The following SCLT1 variants were observed in gnomAD, a reference collection of about 807,000 sequenced individuals.
The protein encoded by SCLT1 is sodium channel and clathrin linker 1.
A neutral mutation model predicts 112.8 loss-of-function variants in SCLT1; 78 were observed. The observed-to-expected ratio is 0.69, with a 90% CI of 0.58 to 0.83. The LOEUF is 0.83. Ranked by LOEUF, SCLT1 falls within the 40% of genes least tolerant of loss-of-function variation. SCLT1 has a pLI of 0.00. For missense variants in SCLT1, 747 were observed against 770.4 expected, an observed-to-expected ratio of 0.97 and a Z score of 0.36; for synonymous variants, 257 against 254.7, an observed-to-expected ratio of 1.01 and a Z score of -0.09.
At chr4:128,881,035 CCTTT>C (rs1732629467), downstream of SCLT1, among the ~76,000 whole-genome samples, 1 of 152,060 alleles carries the variant, frequency 6.6e-6, no homozygotes, top group Non-Finnish European at 1.5e-5. Context: ...TTTTCAGATG[CCTTT>C]CTGTCCTATG....
chr4:128,874,002 C>T (rs1003612976), intron 5 of SCLT1: 1 of 152,542 alleles, frequency 6.6e-6, no homozygotes, highest in African/African-American at 2.4e-5. Flanking sequence ...GTAGCTAATT[C>T]AGGGGAGGGG....
intron 2 of SCLT1, among the ~76,000 whole-genome samples, chr4:129,045,321 T>G (rs1211337990): frequency 6.6e-6 from 1 of 152,108 alleles, no homozygotes; most frequent in Non-Finnish European, 1.5e-5. Context: ...ATGGAAAGAC[T>G]GACACATTTT....
At chr4:129,029,126 T>C (rs999672035) in intron 5 of SCLT1, among the ~76,000 whole-genome samples, 1 of 152,122 alleles carries the variant, frequency 6.6e-6, no homozygotes, top group Non-Finnish European at 1.5e-5. Flanking sequence ...TGGCAATTCC[T>C]CAGGGATCTA....
intron 8 of SCLT1, among the ~76,000 whole-genome samples, chr4:128,994,179 T>C (rs1318770558): frequency 6.6e-6 from 1 of 152,088 alleles, no homozygotes; most frequent in Non-Finnish European, 1.5e-5. Context: ...TAAGTCCCCA[T>C]TTCTTCTCAC....
At chr4:129,038,058 C>T (rs1406153744) in intron 5 of SCLT1, 5 of 153,174 alleles carry the variant, frequency 3.3e-5, no homozygotes, top group Middle Eastern at 1.6e-3. Flanking sequence ...GGCACGAATC[C>T]GGGAGGCGGA....
chr4:129,046,538 T>C (rs1482882046), intron 2 of SCLT1, among the ~76,000 whole-genome samples: 1 of 152,144 alleles, frequency 6.6e-6, no homozygotes, highest in Non-Finnish European at 1.5e-5. Context: ...ACATATACTA[T>C]TTCACTTTAC....
At chr4:129,013,260 C>T (rs34810794) in intron 5 of SCLT1, among the ~76,000 whole-genome samples, 14,052 of 151,980 alleles carry the variant, frequency 0.092, 777 homozygotes, top group South Asian at 0.15. Context: ...TCTGTTCCTG[C>T]GTTAGTTTGC....
At chr4:129,085,820 A>G (rs1752344131) in intron 1 of SCLT1, among the ~76,000 whole-genome samples, 1 of 152,152 alleles carries the variant, frequency 6.6e-6, no homozygotes, top group South Asian at 2.1e-4. Flanking sequence ...TGATGAGAAC[A>G]CATGGAGGGG....
chr4:128,930,835 G>C (rs1736698020), intron 18 of SCLT1, among the ~76,000 whole-genome samples: 1 of 152,146 alleles, frequency 6.6e-6, no homozygotes, highest in African/African-American at 2.4e-5. Flanking sequence ...TACCAGGTAA[G>C]ATGTAAAGCT....
intron 18 of SCLT1, among the ~76,000 whole-genome samples, chr4:128,908,371 C>T (rs17013914): frequency 0.017 from 2,127 of 126,594 alleles, 49 homozygotes; most frequent in African/African-American, 0.059. Context: ...TGCCTCTCAT[C>T]CTGTTAATTA....
At chr4:128,960,251 A>T (rs1201490119) in intron 11 of SCLT1, among the ~76,000 whole-genome samples, 1 of 152,170 alleles carries the variant, frequency 6.6e-6, no homozygotes, top group Non-Finnish European at 1.5e-5. Context: ...CTCAATATTC[A>T]TATGATCATA....
intron 2 of SCLT1, among the ~76,000 whole-genome samples, chr4:129,075,357 C>T (rs1045562239): frequency 2.0e-5 from 3 of 152,094 alleles, no homozygotes; most frequent in African/African-American, 7.2e-5. Context: ...GGTTAATTTT[C>T]ATCATTTATC....
At chr4:128,976,479 TA>T (rs1741184797) in intron 9 of SCLT1, among the ~76,000 whole-genome samples, 1 of 152,162 alleles carries the variant, frequency 6.6e-6, no homozygotes, top group Non-Finnish European at 1.5e-5. Context: ...CAGACATGCT[TA>T]AAACATGTTT....
intron 18 of SCLT1, among the ~76,000 whole-genome samples, chr4:128,897,542 C>T (rs1294046900): frequency 1.3e-5 from 2 of 148,920 alleles, no homozygotes; most frequent in Admixed American, 6.7e-5. Flanking sequence ...TGGAAAGGAA[C>T]AACCGGTACC....
rs745535933 is a variant in SCLT1, at chr4:128,965,316, C to T, written c.780G>A (p.Glu260=). Residue 260 remains glutamate (E), a splice_region_variant and synonymous_variant, in exon 11 of 21, where the codon GAG becomes GAA. Coordinates refer to ENST00000281142, the MANE Select transcript of SCLT1 (RefSeq NM_144643.4). ...EDLQGQMKKK[E]KDVVSAHGRE... is the part of the protein sequence containing the mutation. ...TTCCATGGGCAGACACCACATCCTT[C>T]TCCTAGAAAATAAAGAAACTAGAAG... The T allele has an allele frequency of 2.5e-6, 4 of 1,598,708 alleles. No homozygotes were observed. Among genetic ancestry groups the T allele is most frequent in the South Asian group, 1.1e-5 (1 of 90,514 alleles).
intron 2 of SCLT1, among the ~76,000 whole-genome samples, chr4:129,074,524 T>G (rs1751292063): frequency 1.3e-5 from 2 of 152,116 alleles, no homozygotes; most frequent in Non-Finnish European, 2.9e-5. Context: ...ACTCGAGCAG[T>G]AATAGAAAAA....
intron 18 of SCLT1, among the ~76,000 whole-genome samples, chr4:128,932,054 G>T (rs1736819055): frequency 6.9e-6 from 1 of 145,536 alleles, no homozygotes. Flanking sequence ...TCTCTACTTT[G>T]TTTTAATCTT....
chr4:128,998,035 C>T, intron 7 of SCLT1, 96 bp from the exon 8 acceptor site: 1 of 500,184 alleles, frequency 2.0e-6, no homozygotes. Flanking sequence ...AATCATTATG[C>T]CTAAGTTTAG....
At chr4:128,910,399 G>A (rs1271579544) in intron 18 of SCLT1, among the ~76,000 whole-genome samples, 2 of 152,172 alleles carry the variant, frequency 1.3e-5, no homozygotes, top group African/African-American at 2.4e-5. Context: ...CGATACTTTT[G>A]TGAGCTTTGT....
Sources: gnomAD v4.1 joint callset for allele counts (sites outside exome capture counted in the v4.1 genomes callset) on GRCh38, gnomAD v4.1.1 for gene constraint, MANE v1.5 for transcripts, NCBI Gene and HGNC (gene_info 2026-07-23, HGNC 2026-07-21) for gene names.